The following CSGALNACT1 variants were observed in gnomAD, a reference collection of about 807,000 sequenced individuals.
CSGALNACT1 encodes beta4GalNAcT-1.
CSGALNACT1 carries 52 observed loss-of-function variants against 51.0 expected under a neutral mutation model. The observed-to-expected ratio is 1.02, with a 90% CI of 0.82 to 1.29. The LOEUF (loss-of-function observed/expected upper bound fraction) is 1.29. Ranked by LOEUF, CSGALNACT1 falls within the 50% of genes most tolerant of loss-of-function variation. The pLI, the probability that CSGALNACT1 is intolerant of heterozygous loss-of-function variation, is 0.00. For missense variants in CSGALNACT1, 935 were observed against 679.2 expected, an observed-to-expected ratio of 1.38 and a Z score of -4.19; for synonymous variants, 341 against 254.4, an observed-to-expected ratio of 1.34 and a Z score of -3.24.
intron 1 of CSGALNACT1, among the ~76,000 whole-genome samples, chr8:19,666,863 A>G (rs1376589125): frequency 5.6e-5 from 7 of 124,632 alleles, no homozygotes; most frequent in African/African-American, 1.2e-4. Context: ...GAAAGAAAGA[A>G]AGAAAGAAAG....
intron 1 of CSGALNACT1, among the ~76,000 whole-genome samples, chr8:19,750,797 G>C (rs578007158): frequency 6.6e-6 from 1 of 152,296 alleles, no homozygotes; most frequent in African/African-American, 2.4e-5. Flanking sequence ...ATGTTTGATA[G>C]ATGAATGCAT....
intron 1 of CSGALNACT1, among the ~76,000 whole-genome samples, chr8:19,645,519 G>A (rs970625290): frequency 6.6e-6 from 1 of 152,196 alleles, no homozygotes; most frequent in African/African-American, 2.4e-5. Flanking sequence ...TAACCTCCCA[G>A]AGCATCCATT....
intron 4 of CSGALNACT1, among the ~76,000 whole-genome samples, chr8:19,490,181 A>T (rs1355722591): frequency 6.6e-6 from 1 of 152,196 alleles, no homozygotes; most frequent in Non-Finnish European, 1.5e-5. Flanking sequence ...CGCATGGAAC[A>T]TCACTAATTT....
In CSGALNACT1 at chr8:19,461,731, G is replaced by C. The variant is rs62496183; in HGVS notation, c.635-3089C>G. Among the ~76,000 whole-genome samples, 25 of 45,774 alleles carry C rather than the reference G, an allele frequency of 5.5e-4. No homozygotes were observed. In the East Asian group the frequency reaches 0.031, roughly 57 times the overall value. 30.0% of individuals were successfully genotyped at this position (45,774 alleles called of 152,430 possible). A position where few individuals can be genotyped will look rare whatever the true frequency, so the allele number is the denominator to read the frequency against. On this transcript the variant is annotated intron_variant, in intron 4 of 9. Coordinates refer to ENST00000454498, the Ensembl canonical transcript of CSGALNACT1. The stretch of plus-strand genomic sequence containing the variant: ...AGCACACACATTCACCATGGAGGGC[G>C]TATCCGCACAGCGGCCACATTCACC...
At chr8:19,729,390 G>A (rs1286456220) in intron 1 of CSGALNACT1, among the ~76,000 whole-genome samples, 2 of 152,154 alleles carry the variant, frequency 1.3e-5, no homozygotes, top group African/African-American at 4.8e-5. Flanking sequence ...TCCTCTAAGG[G>A]TAGAATTTAA....
At chr8:19,474,861 C>G (rs1469006202) in intron 4 of CSGALNACT1, among the ~76,000 whole-genome samples, 5 of 89,834 alleles carry the variant, frequency 5.6e-5, no homozygotes, top group African/African-American at 1.6e-4. Flanking sequence ...GAGTGAAACT[C>G]TGTCTCAGAA....
intron 1 of CSGALNACT1, among the ~76,000 whole-genome samples, chr8:19,650,906 A>T (rs2057746825): frequency 1.3e-5 from 2 of 152,132 alleles, no homozygotes; most frequent in Non-Finnish European, 2.9e-5. Flanking sequence ...CCGTGTCCTT[A>T]GCAATTTTAA....
intron 3 of CSGALNACT1, among the ~76,000 whole-genome samples, chr8:19,523,471 T>C (rs2081109196): frequency 6.6e-6 from 1 of 151,998 alleles, no homozygotes; most frequent in Admixed American, 6.6e-5. Context: ...AGTCTTGCAA[T>C]GTTGTCCAGG....
intron 3 of CSGALNACT1, among the ~76,000 whole-genome samples, chr8:19,542,729 C>T (rs1359841626): frequency 6.6e-6 from 1 of 152,048 alleles, no homozygotes; most frequent in Non-Finnish European, 1.5e-5. Context: ...TTCATCTATC[C>T]AAAACCCCAT....
At chr8:19,579,642 C>T (rs4922065) in intron 3 of CSGALNACT1, among the ~76,000 whole-genome samples, 124,827 of 152,228 alleles carry the variant, frequency 0.82, 51,404 homozygotes, top group East Asian at 1. Flanking sequence ...ATTTAGTTCA[C>T]AGCATTGTCC....
intron 6 of CSGALNACT1, among the ~76,000 whole-genome samples, chr8:19,434,010 G>A (rs542053058): frequency 2.0e-5 from 3 of 152,206 alleles, no homozygotes; most frequent in Admixed American, 6.5e-5. Flanking sequence ...GTCAGGGATG[G>A]GAATAGAGCA....
chr8:19,648,533 C>G (rs2057484674), intron 1 of CSGALNACT1, among the ~76,000 whole-genome samples: 1 of 152,212 alleles, frequency 6.6e-6, no homozygotes. Context: ...CCTGGCTCGA[C>G]ACTGTGGCTG....
intron 8 of CSGALNACT1, among the ~76,000 whole-genome samples, chr8:19,411,170 G>A (rs1023079927): frequency 2.0e-5 from 3 of 152,152 alleles, no homozygotes; most frequent in Non-Finnish European, 2.9e-5. Flanking sequence ...GTGCTCCAAT[G>A]TCACTATTCA....
intron 3 of CSGALNACT1, among the ~76,000 whole-genome samples, chr8:19,520,152 G>A (rs1000892393): frequency 6.6e-6 from 1 of 152,226 alleles, no homozygotes; most frequent in African/African-American, 2.4e-5. Flanking sequence ...ACACAAATGA[G>A]GGGCTTTCTT....
At chr8:19,625,158 TGTAAA>T (rs1345785721) in intron 1 of CSGALNACT1, among the ~76,000 whole-genome samples, 9 of 152,196 alleles carry the variant, frequency 5.9e-5, no homozygotes, top group African/African-American at 2.2e-4. Context: ...GGAGAGGGAC[TGTAAA>T]GTATAGTCTT....
intron 3 of CSGALNACT1, chr8:19,588,092 G>A (rs1267166757): frequency 6.6e-6 from 1 of 152,280 alleles, no homozygotes; most frequent in Middle Eastern, 3.4e-3. Context: ...TTGGGAGACT[G>A]AGGCAGGACA....
intron 2 of CSGALNACT1, among the ~76,000 whole-genome samples, chr8:19,599,321 A>T (rs535701776): frequency 2.0e-5 from 3 of 151,932 alleles, no homozygotes; most frequent in African/African-American, 7.2e-5. Flanking sequence ...GTGACAAGAT[A>T]CAAGGTGGCC....
chr8:19,622,420 CA>C (rs2053932684), intron 1 of CSGALNACT1, among the ~76,000 whole-genome samples: 1 of 152,196 alleles, frequency 6.6e-6, no homozygotes, highest in Admixed American at 6.5e-5. Flanking sequence ...AGGAATTTTA[CA>C]AGCCAGTTGT....
chr8:19,454,347 A>G (rs1301929016), intron 5 of CSGALNACT1, among the ~76,000 whole-genome samples: 2 of 152,206 alleles, frequency 1.3e-5, no homozygotes, highest in African/African-American at 4.8e-5. Context: ...ATAAAGTAGA[A>G]TGTAAAGGTT....
Sources: allele counts gnomAD v4.1 joint callset (sites outside exome capture counted in the v4.1 genomes callset), GRCh38; gene constraint gnomAD v4.1.1; transcripts MANE v1.5; gene names NCBI Gene and HGNC (gene_info 2026-07-23, HGNC 2026-07-21).